Variants in THADA observed in about 807,000 individuals in gnomAD.
The protein encoded by THADA is tRNA (32-2'-O)-methyltransferase regulator THADA.
A neutral mutation model predicts 219.8 loss-of-function variants in THADA; 213 were observed. The observed-to-expected ratio is 0.97, with a 90% CI of 0.87 to 1.09. The LOEUF (loss-of-function observed/expected upper bound fraction) is 1.09, where lower values mean the gene tolerates loss of function less well. Among genes scored for constraint, THADA ranks in the 50% least tolerant of loss-of-function variants. The pLI, the probability that THADA is intolerant of heterozygous loss-of-function variation, is 0.00. For synonymous variants in THADA, 1,018 were observed against 828.9 expected (o/e 1.23, Z -3.92); for missense variants, 2,956 against 2,311.3 (o/e 1.28, Z -5.72).
At chr2:43,238,957 C>A (rs963585588) in intron 36 of THADA, among the ~76,000 whole-genome samples, 3 of 151,944 alleles carry the variant, frequency 2.0e-5, no homozygotes, top group Non-Finnish European at 4.4e-5. Context: ...GGCTCTTCCT[C>A]CCACCGGCTA....
At chr2:43,343,507 T>C (rs925102758) in intron 30 of THADA, 3 of 152,264 alleles carry the variant, frequency 2.0e-5, no homozygotes, top group Non-Finnish European at 4.4e-5. Context: ...ATTTTGAACA[T>C]GGCATTACAG....
chr2:43,440,754 G>A (rs1295807900), intron 26 of THADA, among the ~76,000 whole-genome samples: 2 of 152,160 alleles, frequency 1.3e-5, no homozygotes, highest in Non-Finnish European at 2.9e-5. Flanking sequence ...AGAAACACAC[G>A]TAATCTCACT....
chr2:43,581,032 A>AT (rs1700386515), intron 8 of THADA, among the ~76,000 whole-genome samples: 1 of 152,238 alleles, frequency 6.6e-6, no homozygotes, highest in Non-Finnish European at 1.5e-5. Context: ...TCAAACATAT[A>AT]TTACCATATA....
intron 28 of THADA, among the ~76,000 whole-genome samples, chr2:43,405,669 C>T (rs963630573): frequency 6.6e-6 from 1 of 152,040 alleles, no homozygotes; most frequent in Non-Finnish European, 1.5e-5. Flanking sequence ...GTAATGAGTT[C>T]GGAGCTTTTA....
Position 43,590,804 on chromosome 2 carries a change from TC to T in THADA, c.302+19del. On this transcript the variant is annotated intron_variant, in intron 4 of 37. Transcript: ENST00000405975. ...AATTCAACATTTATAACACCCAACTTCCCTTCCTTTTTTTCTTACCTTGCCA... is the reference window on the plus strand; with the variant it reads ...AATTCAACATTTATAACACCCAACTTCCTTCCTTTTTTTCTTACCTTGCCA... The T allele has an allele frequency of 6.2e-7, 1 of 1,603,300 alleles. No individual in the cohort carries two copies. The highest frequency in any genetic ancestry group is 8.5e-7 in the Non-Finnish European group (1 of 1,175,892).
intron 31 of THADA, among the ~76,000 whole-genome samples, chr2:43,315,461 T>C: frequency 6.6e-6 from 1 of 152,038 alleles, no homozygotes; most frequent in East Asian, 1.9e-4. Context: ...TCTTTTTTTT[T>C]CTTTTTTTTC....
chr2:43,435,245 G>A (rs370691440), intron 26 of THADA, among the ~76,000 whole-genome samples: 10 of 151,932 alleles, frequency 6.6e-5, no homozygotes, highest in East Asian at 5.8e-4. Context: ...ACCTGAGGTC[G>A]GGAGTTCAAG....
In THADA at chr2:43,549,339, T is replaced by A. The variant is rs1696475634; in HGVS notation, c.2977A>T (p.Asn993Tyr). ...TTAGTATCTCGAGGCTGAATCTCAT[T>A]CAGAATCATCTGTAAGCGGCTTGCT... ...ESASRLQMILNEIQPRDTNDY... is the reference protein window; with the variant it reads ...ESASRLQMILYEIQPRDTNDY... The change falls in exon 20 of 38, where the codon AAT (asparagine) becomes TAT (tyrosine). Residue 993 changes from asparagine to tyrosine, a missense_variant. Coordinates refer to ENST00000405975, the MANE Select transcript of THADA (RefSeq NM_022065.5). 1 of 1,604,214 alleles carries A rather than the reference T, an allele frequency of 6.2e-7. No homozygotes were observed. Among genetic ancestry groups the A allele is most frequent in the African/African-American group, 1.3e-5 (1 of 74,948 alleles).
chr2:43,277,509 G>A (rs1419005566), intron 36 of THADA, among the ~76,000 whole-genome samples: 1 of 152,180 alleles, frequency 6.6e-6, no homozygotes, highest in Non-Finnish European at 1.5e-5. Context: ...AGACCCCACA[G>A]AATGCACCTC....
Position 43,462,389 on chromosome 2 carries a change from A to G in THADA, c.3836+22845T>C, listed in dbSNP as rs528009030. Among the ~76,000 whole-genome samples the G allele has an allele frequency of 6.6e-5, 10 of 152,264 alleles. No homozygotes were observed. The South Asian group carries it at 1.9e-3, about 28-fold the overall frequency. On this transcript the variant is annotated intron_variant, in intron 26 of 37. Coordinates refer to ENST00000405975, the MANE Select transcript of THADA (RefSeq NM_022065.5). Reference sequence around the variant, plus strand: ...AGTAAGGTGAACTTCTAGTGCCTGAAAATCTCTAAATCAGGCTCTCCTAAA... The same window carrying G: ...AGTAAGGTGAACTTCTAGTGCCTGAGAATCTCTAAATCAGGCTCTCCTAAA...
At chr2:43,385,378 A>G (rs1480604129) in intron 29 of THADA, among the ~76,000 whole-genome samples, 1 of 152,008 alleles carries the variant, frequency 6.6e-6, no homozygotes, top group Non-Finnish European at 1.5e-5. Context: ...AGGCCGAGGC[A>G]GGCGGATCAC....
Position 43,590,938 on chromosome 2 carries a change from T to G in THADA, c.188A>C (p.Glu63Ala), listed in dbSNP as rs10210191. 1 of 1,612,912 alleles carries G rather than the reference T, an allele frequency of 6.2e-7. No homozygotes were observed. The highest frequency in any genetic ancestry group is 2.2e-5 in the East Asian group (1 of 44,850). ...ACACATGCCATTTTTATCTGCTTTC[T>G]CCAGCAGAGGCACAATCTATAATAC... ...HYIKQIVPLLEKADKNGMCDP... is the reference protein window; with the variant it reads ...HYIKQIVPLLAKADKNGMCDP... Residue 63 changes from glutamate (E) to alanine (A), a missense_variant, in exon 4 of 38, where the codon GAG becomes GCG. By Grantham distance (107) the Glu-to-Ala change is moderately radical (BLOSUM62 -1). Transcript: ENST00000405975.
At chr2:43,567,846 C>T (rs566366702) in intron 14 of THADA, among the ~76,000 whole-genome samples, 1 of 152,312 alleles carries the variant, frequency 6.6e-6, no homozygotes, top group African/African-American at 2.4e-5. Flanking sequence ...GTGAAGCTTC[C>T]AAATCCGTTG....
At chr2:43,429,120 T>G (rs1289625339) in intron 27 of THADA, among the ~76,000 whole-genome samples, 1 of 152,114 alleles carries the variant, frequency 6.6e-6, no homozygotes, top group East Asian at 1.9e-4. Context: ...TTTTTTTTCT[T>G]TTTTTGAGAC....
At chr2:43,397,243 A>G (rs1031234738) in intron 29 of THADA, among the ~76,000 whole-genome samples, 1 of 152,132 alleles carries the variant, frequency 6.6e-6, no homozygotes, top group Non-Finnish European at 1.5e-5. Flanking sequence ...TCTGTTCATA[A>G]ACCAGGAACA....
chr2:43,517,272 T>C (rs2103659047), intron 22 of THADA, among the ~76,000 whole-genome samples: 1 of 152,278 alleles, frequency 6.6e-6, no homozygotes, highest in Middle Eastern at 3.4e-3. Flanking sequence ...AACTGAATGA[T>C]TCATGGTAGC....
At chr2:43,487,790 C>A (rs1687093674) in intron 25 of THADA, among the ~76,000 whole-genome samples, 1 of 152,136 alleles carries the variant, frequency 6.6e-6, no homozygotes, top group South Asian at 2.1e-4. Context: ...TAGGCCTTCA[C>A]CAGACACTGA....
chr2:43,513,528 C>T (rs1690766773), intron 22 of THADA, among the ~76,000 whole-genome samples: 1 of 152,170 alleles, frequency 6.6e-6, no homozygotes, highest in Non-Finnish European at 1.5e-5. Flanking sequence ...CTGCCTGAGG[C>T]TGTAGCAGTA....
intron 20 of THADA, among the ~76,000 whole-genome samples, chr2:43,543,996 T>C (rs1695672266): frequency 6.6e-6 from 1 of 152,198 alleles, no homozygotes; most frequent in South Asian, 2.1e-4. Context: ...AGGGTTTTTA[T>C]GGTTTTAGGT....
Sources: allele counts gnomAD v4.1 joint callset (sites outside exome capture counted in the v4.1 genomes callset), GRCh38; gene constraint gnomAD v4.1.1; transcripts MANE v1.5; gene names NCBI Gene and HGNC (gene_info 2026-07-23, HGNC 2026-07-21).